The following DPP10 variants were observed in gnomAD, a reference collection of about 807,000 sequenced individuals.
DPP10 encodes the protein inactive dipeptidyl peptidase 10.
Under a neutral mutation model 120.9 loss-of-function variants are expected in DPP10, and 33 were observed. The ratio of observed to expected loss-of-function variants is 0.27; its 90% CI spans 0.21 to 0.37. The LOEUF (loss-of-function observed/expected upper bound fraction) is 0.37. Among genes scored for constraint, DPP10 ranks in the 10% least tolerant of loss-of-function variants. The pLI is 1.00. For missense variants in DPP10, 816 were observed against 942.8 expected (o/e 0.87, Z 1.76); for synonymous variants, 337 against 326.1 (o/e 1.03, Z -0.36).
chr2:114,637,672 G>A (rs59489317), intron 1 of DPP10, among the ~76,000 whole-genome samples: 16,777 of 151,828 alleles, frequency 0.11, 1,428 homozygotes, highest in African/African-American at 0.21. Context: ...TGTGCTGACA[G>A]GTGGGGGTCT....
At chr2:115,060,650 G>T (rs1035623597) in intron 1 of DPP10, among the ~76,000 whole-genome samples, 1 of 152,076 alleles carries the variant, frequency 6.6e-6, no homozygotes, top group Non-Finnish European at 1.5e-5. Flanking sequence ...CTTCCCTATG[G>T]TCTATACATC....
intron 1 of DPP10, among the ~76,000 whole-genome samples, chr2:114,547,455 T>A (rs988683205): frequency 1.1e-4 from 16 of 145,700 alleles, no homozygotes; most frequent in Non-Finnish European, 2.3e-4. Context: ...AAGAAATAGC[T>A]TTTTTTTTTT....
At chr2:114,904,493 G>C (rs983111990) in intron 1 of DPP10, among the ~76,000 whole-genome samples, 4 of 152,170 alleles carry the variant, frequency 2.6e-5, no homozygotes, top group African/African-American at 9.7e-5. Context: ...CAAGAAGAGA[G>C]AGATGAATTG....
At chr2:115,224,704 A>T (rs2057348928) in intron 1 of DPP10, among the ~76,000 whole-genome samples, 2 of 152,344 alleles carry the variant, frequency 1.3e-5, no homozygotes, top group Admixed American at 1.3e-4. Flanking sequence ...ATCATGTGAG[A>T]TAATATAATT....
Position 115,843,067 on chromosome 2 carries a change from C to T in DPP10, c.*722C>T, listed in dbSNP as rs1271026798. 2 of 152,428 alleles carry T rather than the reference C, an allele frequency of 1.3e-5. No individual in the cohort carries two copies. The highest frequency in any genetic ancestry group is 6.5e-5 in the Admixed American group (1 of 15,268). 9.4% of individuals were successfully genotyped at this position (152,428 alleles called of 1,614,324 possible). ...TGTTATTCATGCTATAAAGAGTAAA[C>T]GTTTGATGAATTAGAAGAGATGCTC... On this transcript the variant is annotated 3_prime_UTR_variant, in exon 26 of 26. Transcript: ENST00000410059.
chr2:115,170,914 G>C (rs1417149953), intron 1 of DPP10, among the ~76,000 whole-genome samples: 7 of 152,090 alleles, frequency 4.6e-5, no homozygotes, highest in Admixed American at 3.3e-4. Context: ...TTTGCTCAGC[G>C]TCAGTATCTC....
intron 1 of DPP10, among the ~76,000 whole-genome samples, chr2:114,513,623 AAAAGAAAGAAAG>A (rs61159493): frequency 1.3e-5 from 2 of 150,264 alleles, no homozygotes; most frequent in Admixed American, 1.3e-4. Flanking sequence ...GAAGGGAGGA[AAAAGAAAGAAAG>A]AAAGAAAGAA....
chr2:114,812,171 T>A (rs1483527577), intron 1 of DPP10, among the ~76,000 whole-genome samples: 1 of 152,184 alleles, frequency 6.6e-6, no homozygotes, highest in Non-Finnish European at 1.5e-5. Flanking sequence ...ATTTACACAA[T>A]CTGCAGAATT....
intron 1 of DPP10, among the ~76,000 whole-genome samples, chr2:114,538,530 G>A (rs1686697353): frequency 6.6e-6 from 1 of 152,124 alleles, no homozygotes; most frequent in Non-Finnish European, 1.5e-5. Flanking sequence ...AATCTCCTTT[G>A]TGCTTGCTAC....
chr2:115,449,035 T>C (rs1274650173), intron 3 of DPP10, among the ~76,000 whole-genome samples: 1 of 152,112 alleles, frequency 6.6e-6, no homozygotes. Context: ...AAAAACTTCA[T>C]TAAATATTTT....
At chr2:115,201,260 C>T (rs181603516) in intron 1 of DPP10, among the ~76,000 whole-genome samples, 3 of 152,078 alleles carry the variant, frequency 2.0e-5, no homozygotes, top group East Asian at 3.9e-4. Flanking sequence ...GTCAGGAGTT[C>T]GAGACCAGCC....
intron 1 of DPP10, among the ~76,000 whole-genome samples, chr2:114,513,041 G>C (rs1357978391): frequency 6.6e-6 from 1 of 151,976 alleles, no homozygotes; most frequent in African/African-American, 2.4e-5. Context: ...GAAGGGAGGA[G>C]AAAAAGAAGA....
At chr2:114,874,650 A>G (rs1016242884) in intron 1 of DPP10, among the ~76,000 whole-genome samples, 8 of 152,064 alleles carry the variant, frequency 5.3e-5, no homozygotes, top group African/African-American at 1.9e-4. Context: ...TATAAAGTGC[A>G]CAATAAATGT....
intron 1 of DPP10, among the ~76,000 whole-genome samples, chr2:114,892,032 T>C (rs1428993051): frequency 6.6e-6 from 1 of 152,126 alleles, no homozygotes; most frequent in Non-Finnish European, 1.5e-5. Flanking sequence ...CCTTTACAAC[T>C]AGAAAACTTA....
intron 4 of DPP10, among the ~76,000 whole-genome samples, chr2:115,519,121 T>G (rs2077658579): frequency 1.3e-5 from 2 of 152,190 alleles, no homozygotes; most frequent in South Asian, 4.1e-4. Context: ...CAAATTCACC[T>G]TTTCTGCCCT....
intron 1 of DPP10, among the ~76,000 whole-genome samples, chr2:114,482,770 A>G (rs1327824200): frequency 6.6e-6 from 1 of 152,190 alleles, no homozygotes; most frequent in Non-Finnish European, 1.5e-5. Context: ...TTATTAGCCA[A>G]TGCGTATCTT....
intron 3 of DPP10, among the ~76,000 whole-genome samples, chr2:115,445,933 A>G (rs908360192): frequency 2.0e-5 from 3 of 152,084 alleles, no homozygotes; most frequent in Non-Finnish European, 4.4e-5. Flanking sequence ...TGCTCTGTGC[A>G]CCACTGGGAC....
At chr2:114,704,227 G>T (rs1194911282) in intron 1 of DPP10, among the ~76,000 whole-genome samples, 3 of 152,290 alleles carry the variant, frequency 2.0e-5, no homozygotes, top group East Asian at 1.9e-4. Context: ...AGACATGCCA[G>T]CAATAGCAGT....
chr2:114,640,843 G>A (rs1695653151), intron 1 of DPP10, among the ~76,000 whole-genome samples: 1 of 151,890 alleles, frequency 6.6e-6, no homozygotes, highest in Non-Finnish European at 1.5e-5. Context: ...CAGACAGCAA[G>A]TCAACCCGGT....
Sources: allele counts gnomAD v4.1 joint callset (sites outside exome capture counted in the v4.1 genomes callset), GRCh38; gene constraint gnomAD v4.1.1; transcripts MANE v1.5; gene names NCBI Gene and HGNC (gene_info 2026-07-23, HGNC 2026-07-21).